The following MCPH1 variants were observed in gnomAD, a reference collection of about 807,000 sequenced individuals.
MCPH1 encodes microcephalin.
MCPH1 carries 104 observed loss-of-function variants against 84.5 expected under a neutral mutation model. The observed-to-expected ratio is 1.23, with a 90% confidence interval of 1.05 to 1.45. The LOEUF (loss-of-function observed/expected upper bound fraction) is 1.45, where lower values mean the gene tolerates loss of function less well. MCPH1 is among the 40% of genes most tolerant of loss of function. The pLI, the probability that MCPH1 is intolerant of heterozygous loss-of-function variation, is 0.00. For missense variants in MCPH1, 1,498 were observed against 1,005.7 expected, an observed-to-expected ratio of 1.49 and a Z score of -6.62; for synonymous variants, 514 against 366.8, an observed-to-expected ratio of 1.40 and a Z score of -4.58.
At chr8:6,497,883 C>T (rs576508921) in intron 11 of MCPH1, among the ~76,000 whole-genome samples, 3 of 152,144 alleles carry the variant, frequency 2.0e-5, no homozygotes, top group Admixed American at 6.5e-5. Flanking sequence ...AAGTTGAACA[C>T]TTAAGGTTTT....
intron 3 of MCPH1, among the ~76,000 whole-genome samples, chr8:6,421,229 G>A (rs1800150890): frequency 6.6e-6 from 1 of 151,920 alleles, no homozygotes; most frequent in Non-Finnish European, 1.5e-5. Context: ...TAACACTTTA[G>A]CACAACAGGT....
chr8:6,408,325 C>T (rs1798031494), intron 1 of MCPH1, among the ~76,000 whole-genome samples: 1 of 151,710 alleles, frequency 6.6e-6, no homozygotes, highest in African/African-American at 2.4e-5. Flanking sequence ...TCTGCTTCAG[C>T]CTCCTGAGTA....
intron 12 of MCPH1, chr8:6,500,875 C>G (rs1812042072): frequency 6.6e-6 from 1 of 152,156 alleles, no homozygotes; most frequent in Admixed American, 6.5e-5. Flanking sequence ...TTTTTTATCA[C>G]CTGCCTACAA....
intron 9 of MCPH1, among the ~76,000 whole-genome samples, chr8:6,469,198 C>A (rs1219686994): frequency 1.3e-5 from 2 of 151,928 alleles, no homozygotes; most frequent in Non-Finnish European, 2.9e-5. Flanking sequence ...AAAAAAGAAA[C>A]TTAAAGATTT....
chr8:6,622,103 A>C (rs755119854), intron 13 of MCPH1: 2 of 328,506 alleles, frequency 6.1e-6, no homozygotes, highest in South Asian at 5.3e-5. Flanking sequence ...CGTCCCTGTC[A>C]TCTCCTCTCC....
At position 6,600,845 on chromosome 8, in the gene MCPH1, T is replaced by C. The variant is rs567659886; in HGVS notation, c.2215-20609T>C. Reference sequence around the variant, plus strand: ...TACAGCTATGGGCTCCCATCAAGGGTGAGTGCATTGAGGAGACATTGCCTA... The same window carrying C: ...TACAGCTATGGGCTCCCATCAAGGGCGAGTGCATTGAGGAGACATTGCCTA... On this transcript the variant is annotated intron_variant, in intron 12 of 13. Transcript: ENST00000344683. Among the ~76,000 whole-genome samples, 18 of 152,014 alleles carry C rather than the reference T, an allele frequency of 1.2e-4. 1 individual carries two copies. The highest frequency in any genetic ancestry group is 3.9e-4 in the African/African-American group (16 of 41,440).
At chr8:6,477,448 A>G (rs1808621391) in intron 9 of MCPH1, 146 bp from the exon 10 acceptor site, 2 of 685,136 alleles carry the variant, frequency 2.9e-6, no homozygotes, top group African/African-American at 3.6e-5. Context: ...CCAGGAATAT[A>G]AAGGTTTTTT....
intron 9 of MCPH1, among the ~76,000 whole-genome samples, chr8:6,458,522 T>C (rs1474134685): frequency 6.6e-6 from 1 of 151,364 alleles, no homozygotes; most frequent in Non-Finnish European, 1.5e-5. Context: ...TGCTTAAAGG[T>C]TGAGTGAGTG....
At chr8:6,485,667 C>T (rs999651659) in intron 11 of MCPH1, among the ~76,000 whole-genome samples, 8 of 152,070 alleles carry the variant, frequency 5.3e-5, no homozygotes, top group Non-Finnish European at 1.0e-4. Flanking sequence ...CTGATGATGT[C>T]GCTATTTGTT....
chr8:6,439,205 C>T (rs567160740), intron 6 of MCPH1, 109 bp downstream of exon 6: 1 of 1,120,124 alleles, frequency 8.9e-7, no homozygotes, highest in Non-Finnish European at 1.3e-6. Context: ...GGTAGTAACA[C>T]ATTTTGACTT....
chr8:6,553,031 G>A (rs1258187570), intron 12 of MCPH1, among the ~76,000 whole-genome samples: 1 of 152,158 alleles, frequency 6.6e-6, no homozygotes, highest in Non-Finnish European at 1.5e-5. Flanking sequence ...TACAATGGTG[G>A]ATCCATGGCT....
intron 12 of MCPH1, among the ~76,000 whole-genome samples, chr8:6,591,285 T>C (rs1187096376): frequency 1.3e-5 from 2 of 152,356 alleles, no homozygotes; most frequent in East Asian, 3.9e-4. Flanking sequence ...GCCTACTTTT[T>C]ATAGTCACTC....
intron 12 of MCPH1, among the ~76,000 whole-genome samples, chr8:6,540,860 C>A (rs563558127): frequency 6.6e-6 from 1 of 152,236 alleles, no homozygotes. Context: ...TGGACTCAGG[C>A]GGCCACCGCC....
chr8:6,539,919 G>A (rs1467241988), intron 12 of MCPH1, among the ~76,000 whole-genome samples: 1 of 152,176 alleles, frequency 6.6e-6, no homozygotes, highest in Non-Finnish European at 1.5e-5. Flanking sequence ...ATCTGATACT[G>A]TATCTAGATA....
At chr8:6,590,528 C>T (rs2442579) in intron 12 of MCPH1, among the ~76,000 whole-genome samples, 31,298 of 152,164 alleles carry the variant, frequency 0.21, 3,472 homozygotes, top group Non-Finnish European at 0.25. Context: ...CTGCTGCTAT[C>T]TGGGTTCTGG....
At chr8:6,407,784 G>C (rs1797952652) in intron 1 of MCPH1, among the ~76,000 whole-genome samples, 1 of 152,162 alleles carries the variant, frequency 6.6e-6, no homozygotes, top group Non-Finnish European at 1.5e-5. Context: ...CACTAGAACA[G>C]GGGTCCACTC....
chr8:6,417,871 A>G (rs914352224), intron 3 of MCPH1, among the ~76,000 whole-genome samples: 6 of 152,158 alleles, frequency 3.9e-5, no homozygotes, highest in African/African-American at 1.4e-4. Flanking sequence ...TTGAGGTTGT[A>G]TTTTGCACGT....
chr8:6,519,853 G>C (rs373427487), intron 12 of MCPH1: 485 of 1,613,228 alleles, frequency 3.0e-4, no homozygotes, highest in Non-Finnish European at 3.7e-4. Flanking sequence ...AAGGGGAGAC[G>C]AATACCTCAC....
chr8:6,414,736 A>G lies in MCPH1; in HGVS notation c.115-29A>G, dbSNP rs973611049. 5 of 1,611,002 alleles carry G rather than the reference A, an allele frequency of 3.1e-6. No individual in the cohort carries two copies. The South Asian group carries it at 5.5e-5, about 18-fold the overall frequency. On this transcript the variant is annotated intron_variant, in intron 2 of 13. Transcript: ENST00000344683. ...TTAAGTTGTGAATGAACAGTAATGT[A>G]CATTTTGTTTTCTGCATTTTGTCTA...
Sources: gnomAD v4.1 joint callset for allele counts (sites outside exome capture counted in the v4.1 genomes callset) on GRCh38, gnomAD v4.1.1 for gene constraint, MANE v1.5 for transcripts, NCBI Gene and HGNC (gene_info 2026-07-23, HGNC 2026-07-21) for gene names.